The following QSER1 variants were observed in gnomAD, a reference collection of about 807,000 sequenced individuals.
The protein encoded by QSER1 is glutamine and serine-rich protein 1.
QSER1 carries 49 observed loss-of-function variants against 158.5 expected under a neutral mutation model. The ratio of observed to expected loss-of-function variants is 0.31; its 90% CI spans 0.25 to 0.39. QSER1 has a LOEUF of 0.39. QSER1 is among the 10% of genes least tolerant of loss of function. The probability of loss-of-function intolerance (pLI) is 1.00; values close to 1 mark genes in which losing one functional copy is unlikely to be tolerated. For synonymous variants in QSER1, 650 were observed against 715.5 expected (o/e 0.91, Z 1.46); for missense variants, 1,754 against 2,010.3 (o/e 0.87, Z 2.44).
rs767643452 is a variant in QSER1, at chr11:32,932,846, G to T, written c.1588G>T (p.Val530Leu). The change falls in exon 4 of 13, where the codon GTA becomes TTA. Residue 530 changes from valine (V) to leucine (L), a missense_variant. Val to Leu is a conservative substitution (Grantham distance 32). Coordinates refer to ENST00000650167, the MANE Select transcript of QSER1 (RefSeq NM_001076786.3). ...TAATTATTCATCTAATCAGCAAGAG[G>T]TATTGTCTTCAGTTACAAATGAGAA... ...TLNYSSNQQE[V>L]LSSVTNENYP... The T allele has an allele frequency of 6.2e-7, 1 of 1,613,986 alleles. No individual in the cohort carries two copies. The highest frequency in any genetic ancestry group is 1.7e-5 in the Admixed American group (1 of 59,998).
chr11:32,941,337 C>T (rs1029397142), intron 4 of QSER1, among the ~76,000 whole-genome samples: 2 of 149,340 alleles, frequency 1.3e-5, no homozygotes, highest in African/African-American at 4.9e-5. Context: ...CACCCACTAA[C>T]TCGTCATTTA....
chr11:32,965,998 G>T (rs1012006195), intron 8 of QSER1, among the ~76,000 whole-genome samples: 2 of 79,138 alleles, frequency 2.5e-5, no homozygotes, highest in Non-Finnish European at 5.7e-5. Context: ...AATCACCTAG[G>T]AAGCTTTTTA....
In QSER1 at chr11:32,934,375, A is replaced by G; in HGVS notation, c.3117A>G (p.Val1039=). The stretch of plus-strand genomic sequence containing the variant: ...ATTTTAACTCTATGACAGCTACAGT[A>G]GGAAAGCCACAGAATATAAATGATA... The part of the protein sequence containing the change: ...TSDFNSMTAT[V]GKPQNINDTS... The change falls in exon 4 of 13, where the codon GTA becomes GTG. Residue 1039 remains valine, a synonymous_variant. Coordinates refer to ENST00000650167, the MANE Select transcript of QSER1 (RefSeq NM_001076786.3). 6.2e-7 allele frequency: 1 copy of G among 1,613,854 alleles called. No individual in the cohort carries two copies. The highest frequency in any genetic ancestry group is 8.5e-7 in the Non-Finnish European group (1 of 1,179,922).
At chr11:32,925,687 C>A (rs574401160) in intron 1 of QSER1, among the ~76,000 whole-genome samples, 1 of 151,904 alleles carries the variant, frequency 6.6e-6, no homozygotes, top group Non-Finnish European at 1.5e-5. Context: ...GCCACCACGC[C>A]CAGCTAATTT....
chr11:32,926,406 A>G lies in QSER1; in HGVS notation c.210-751A>G, dbSNP rs186068740. Reference sequence around the variant, plus strand: ...TTATTCCTATGAGATGCAACTGATGATATCTCCAAGTTATTTTCAAGTTGT... The same window carrying G: ...TTATTCCTATGAGATGCAACTGATGGTATCTCCAAGTTATTTTCAAGTTGT... On this transcript the variant is annotated intron_variant, in intron 1 of 12. Transcript: ENST00000650167. 2.4e-3 allele frequency among the ~76,000 whole-genome samples: 371 copies of G among 152,276 alleles called. 9 individuals carry two copies. Among genetic ancestry groups the G allele is most frequent in the Admixed American group, 0.022 (335 of 15,294 alleles).
At position 32,957,994 on chromosome 11, in the gene QSER1, C is replaced by A; in HGVS notation, c.4877C>A (p.Pro1626Gln). 2 of 1,614,072 alleles carry A rather than the reference C, an allele frequency of 1.2e-6. No individual in the cohort carries two copies. Among genetic ancestry groups the A allele is most frequent in the Non-Finnish European group, 1.7e-6 (2 of 1,180,000 alleles). ...CAGCCAAAAGTAAAGGCTGAGCCACCACCAAAGAAACGGAAAAAATGGAAA... is the reference window on the plus strand; with the variant it reads ...CAGCCAAAAGTAAAGGCTGAGCCACAACCAAAGAAACGGAAAAAATGGAAA... ...VKQPKVKAEP[P>Q]PKKRKKWKEE... Residue 1626 changes from proline (P) to glutamine (Q), a missense_variant, in exon 8 of 13, where the codon CCA (proline) becomes CAA (glutamine). Coordinates refer to ENST00000650167, the MANE Select transcript of QSER1 (RefSeq NM_001076786.3).
At chr11:32,898,482 TCACACACACACACACACACACACA>T (rs71034630) in intron 1 of QSER1, among the ~76,000 whole-genome samples, 2 of 142,948 alleles carry the variant, frequency 1.4e-5, no homozygotes, top group African/African-American at 2.6e-5. Flanking sequence ...TGAGAACCTG[TCACACACACACACACACACACACA>T]CACACACACA....
chr11:32,976,626 G>A lies in QSER1; in HGVS notation c.*152G>A. ...ACCACCTCTGCTGAAGGACAGTGGT[G>A]CGGCCTTTAGGAACGAAGTTAGTCC... is the stretch of plus-strand genomic sequence containing the variant. On this transcript the variant is annotated 3_prime_UTR_variant, in exon 13 of 13. Transcript: ENST00000650167. 1 of 795,512 alleles carries A rather than the reference G, an allele frequency of 1.3e-6. No individual in the cohort carries two copies. Among genetic ancestry groups the A allele is most frequent in the Non-Finnish European group, 2.0e-6 (1 of 499,416 alleles). 49.3% of individuals were successfully genotyped at this position (795,512 alleles called of 1,614,324 possible).
intron 3 of QSER1, among the ~76,000 whole-genome samples, chr11:32,930,841 T>C (rs1590731193): frequency 1.3e-5 from 2 of 152,214 alleles, no homozygotes; most frequent in East Asian, 1.9e-4. Flanking sequence ...ATTTTTACTT[T>C]TGCTATATGT....
At chr11:32,938,787 A>C (rs1023256926) in intron 4 of QSER1, among the ~76,000 whole-genome samples, 1 of 152,226 alleles carries the variant, frequency 6.6e-6, no homozygotes, top group African/African-American at 2.4e-5. Flanking sequence ...ATTATAAAGT[A>C]AGAATTATTT....
chr11:32,976,325 T>G lies in QSER1; in HGVS notation c.5455-9T>G. On this transcript the variant is annotated splice_polypyrimidine_tract_variant and intron_variant, in intron 12 of 12. Transcript: ENST00000650167. ...AGTATAAGCTAATTTGGCGATTTTC[T>G]TTTTTTAGATTTCTTCGGTGCAGAA... 1 of 1,574,556 alleles carries G rather than the reference T, an allele frequency of 6.4e-7. No individual in the cohort carries two copies. The highest frequency in any genetic ancestry group is 8.6e-7 in the Non-Finnish European group (1 of 1,167,354).
intron 1 of QSER1, among the ~76,000 whole-genome samples, chr11:32,894,356 C>G (rs1278357322): frequency 6.6e-6 from 1 of 152,096 alleles, no homozygotes; most frequent in East Asian, 1.9e-4. Context: ...GCCACCTCTC[C>G]CGAACAATAC....
At chr11:32,960,876 A>G (rs1852611489) in intron 8 of QSER1, among the ~76,000 whole-genome samples, 1 of 152,186 alleles carries the variant, frequency 6.6e-6, no homozygotes, top group South Asian at 2.1e-4. Flanking sequence ...AATATTGATA[A>G]TAAACATATA....
At chr11:32,968,007 T>C (rs1039523318) in intron 9 of QSER1, among the ~76,000 whole-genome samples, 1 of 152,204 alleles carries the variant, frequency 6.6e-6, no homozygotes, top group Non-Finnish European at 1.5e-5. Flanking sequence ...AAATGTTATA[T>C]TCCTTGCATC....
chr11:32,904,674 C>T (rs931934476), intron 1 of QSER1, among the ~76,000 whole-genome samples: 1 of 133,834 alleles, frequency 7.5e-6, no homozygotes, highest in Non-Finnish European at 1.5e-5. Context: ...TTTCACTGTT[C>T]CTAAAATGGT....
chr11:32,927,727 C>A (rs114789343), intron 2 of QSER1, among the ~76,000 whole-genome samples: 4 of 152,016 alleles, frequency 2.6e-5, no homozygotes, highest in Admixed American at 2.6e-4. Flanking sequence ...TTTTTACCAA[C>A]GGAATATTTA....
At chr11:32,905,510 C>T (rs551662610) in intron 1 of QSER1, among the ~76,000 whole-genome samples, 5 of 151,700 alleles carry the variant, frequency 3.3e-5, no homozygotes, top group South Asian at 2.1e-4. Flanking sequence ...GTGAACCCTT[C>T]GGAAGGATGG....
intron 3 of QSER1, among the ~76,000 whole-genome samples, chr11:32,929,761 G>A (rs943848774): frequency 6.6e-6 from 1 of 152,112 alleles, no homozygotes; most frequent in African/African-American, 2.4e-5. Context: ...TCAAAATATC[G>A]TCTGTGGGCA....
rs763050412 is a variant in QSER1, at chr11:32,934,521, C to A, written c.3263C>A (p.Thr1088Asn). Reference protein sequence around the residue: ...TPGQNIPTKVTSAVVGPSHEV... With the variant: ...TPGQNIPTKVNSAVVGPSHEV... ...GGTCAAAATATACCAACTAAAGTAA[C>A]TTCAGCAGTGGTTGGACCAAGTCAT... The change falls in exon 4 of 13, where the codon ACT becomes AAT. Residue 1088 changes from threonine (T) to asparagine (N), a missense_variant. Around this residue, in one of 2 missense-constraint regions of QSER1, gnomAD observed 1,707 missense variants for 1,919.6 expected, o/e 0.89. Transcript: ENST00000650167. 6.2e-7 allele frequency: 1 copy of A among 1,613,632 alleles called. No homozygotes were observed. Among genetic ancestry groups the A allele is most frequent in the East Asian group, 2.2e-5 (1 of 44,886 alleles).
Sources: gnomAD v4.1 joint callset for allele counts (sites outside exome capture counted in the v4.1 genomes callset) on GRCh38, gnomAD v4.1.1 for gene constraint, gnomAD v4.1.1 regional missense constraint, MANE v1.5 for transcripts, NCBI Gene and HGNC (gene_info 2026-07-23, HGNC 2026-07-21) for gene names.